Variants in EFCAB6 observed in about 807,000 individuals in gnomAD.
EFCAB6 encodes EF-hand calcium-binding domain-containing protein 6.
EFCAB6 carries 156 observed loss-of-function variants against 169.8 expected under a neutral mutation model. The observed-to-expected ratio is 0.92, with a 90% confidence interval of 0.81 to 1.05. EFCAB6 has a LOEUF of 1.05. Among genes scored for constraint, EFCAB6 ranks in the 50% least tolerant of loss-of-function variants. EFCAB6 has a pLI of 0.00. For missense variants in EFCAB6, 1,800 were observed against 1,829.1 expected (o/e 0.98, Z 0.29); for synonymous variants, 698 against 676.4 (o/e 1.03, Z -0.50).
intron 9 of EFCAB6, among the ~76,000 whole-genome samples, chr22:43,714,204 C>A (rs765680807): frequency 6.6e-6 from 1 of 151,814 alleles, no homozygotes; most frequent in Non-Finnish European, 1.5e-5. Context: ...AAAGGAGTGC[C>A]GTGGAAGAAT....
At chr22:43,786,880 C>T (rs975139435) in intron 2 of EFCAB6, among the ~76,000 whole-genome samples, 2 of 151,814 alleles carry the variant, frequency 1.3e-5, no homozygotes, top group African/African-American at 4.8e-5. Context: ...AAAATTTATG[C>T]TAGGAATGCA....
chr22:43,720,778 T>C (rs551551449), intron 8 of EFCAB6, among the ~76,000 whole-genome samples: 42 of 151,804 alleles, frequency 2.8e-4, no homozygotes, highest in African/African-American at 9.2e-4. Context: ...AAAGATACAA[T>C]ACATATGATA....
At chr22:43,802,530 CAAAAA>C in intron 2 of EFCAB6, 1 of 299,712 alleles carries the variant, frequency 3.3e-6, no homozygotes, top group South Asian at 3.0e-5. Context: ...GACTCTATCT[CAAAAA>C]AAAAAAAAGA....
intron 6 of EFCAB6, among the ~76,000 whole-genome samples, chr22:43,749,171 C>T (rs1313478759): frequency 2.0e-5 from 3 of 152,084 alleles, no homozygotes; most frequent in Non-Finnish European, 4.4e-5. Flanking sequence ...GAGAGGTAAT[C>T]AAGACTGGTC....
At chr22:43,561,268 A>G (rs1281286009) in intron 26 of EFCAB6, among the ~76,000 whole-genome samples, 2 of 151,762 alleles carry the variant, frequency 1.3e-5, no homozygotes, top group African/African-American at 4.8e-5. Flanking sequence ...GAGGCAGAAG[A>G]ATTGCTTGAA....
chr22:43,678,197 A>C (rs758889459), intron 12 of EFCAB6, 34 bp from the exon 13 acceptor site: 24 of 575,804 alleles, frequency 4.2e-5, no homozygotes, highest in Non-Finnish European at 1.2e-5. Context: ...GGAATTTTTG[A>C]AAAAAAAAAA....
chr22:43,543,232 A>G (rs996521663), intron 27 of EFCAB6, among the ~76,000 whole-genome samples: 4 of 152,158 alleles, frequency 2.6e-5, no homozygotes, highest in African/African-American at 2.4e-5. Context: ...GTCACCGAGG[A>G]GGGGAGGAAG....
At chr22:43,802,229 T>C (rs899173997) in intron 2 of EFCAB6, among the ~76,000 whole-genome samples, 35 of 152,082 alleles carry the variant, frequency 2.3e-4, no homozygotes, top group Admixed American at 2.3e-3. Flanking sequence ...AAAGGTTGAA[T>C]AGGACATGAA....
chr22:43,649,456 A>C (rs367633123), intron 17 of EFCAB6, among the ~76,000 whole-genome samples: 1 of 152,222 alleles, frequency 6.6e-6, no homozygotes, highest in Non-Finnish European at 1.5e-5. Flanking sequence ...AATGTGAAAC[A>C]TTACAGTATT....
At chr22:43,618,167 A>AAGGAAGGAAGGAAGGAAGGAAGGAAGGC in intron 20 of EFCAB6, among the ~76,000 whole-genome samples, 1 of 79,898 alleles carries the variant, frequency 1.3e-5, no homozygotes, top group African/African-American at 4.3e-5. Context: ...GGAAGGAAGG[A>AAGGAAGGAAGGAAGGAAGGAAGGAAGGC]AAGAAAGAAA....
chr22:43,791,133 G>A (rs1353198726), intron 2 of EFCAB6, among the ~76,000 whole-genome samples: 1 of 152,148 alleles, frequency 6.6e-6, no homozygotes, highest in Non-Finnish European at 1.5e-5. Context: ...CAGCACTTTG[G>A]GAGGCCAGGG....
At chr22:43,639,803 G>T (rs1265079762) in intron 17 of EFCAB6, among the ~76,000 whole-genome samples, 2 of 152,020 alleles carry the variant, frequency 1.3e-5, no homozygotes, top group Non-Finnish European at 2.9e-5. Context: ...TTGTTCATAT[G>T]ATTGTGAGAC....
chr22:43,717,019 A>G, intron 8 of EFCAB6, 47 bp from the exon 9 acceptor site: 1 of 1,417,244 alleles, frequency 7.1e-7, no homozygotes, highest in Non-Finnish European at 9.2e-7. Context: ...TCAAAGGTTA[A>G]ACATTTAAAT....
intron 13 of EFCAB6, among the ~76,000 whole-genome samples, chr22:43,675,487 TATATAATATAGGATTTA>T (rs1175729587): frequency 1.5e-5 from 2 of 135,494 alleles, no homozygotes; most frequent in Non-Finnish European, 3.1e-5. Flanking sequence ...TATGTAATAT[TATATAATATAGGATTTA>T]ATATAATATA....
intron 3 of EFCAB6, among the ~76,000 whole-genome samples, chr22:43,780,486 C>CAAAAAAAAAAAAAAAAAAAAAAAAAAAA: frequency 2.0e-5 from 1 of 49,024 alleles, no homozygotes; most frequent in Non-Finnish European, 3.6e-5. Context: ...GACTCTGTCT[C>CAAAAAAAAAAAAAAAAAAAAAAAAAAAA]AAAAAAAAAA....
intron 6 of EFCAB6, among the ~76,000 whole-genome samples, chr22:43,746,917 A>G (rs2060586331): frequency 6.6e-6 from 1 of 152,240 alleles, no homozygotes; most frequent in African/African-American, 2.4e-5. Context: ...GCTCACTCAC[A>G]GGACAGAGCT....
rs748902729 is a variant in EFCAB6 at position 43,618,220 on chromosome 22, A to AAGAG, written c.2466-2302_2466-2299dup. 4.1e-5 allele frequency among the ~76,000 whole-genome samples: 5 copies of AAGAG among 120,816 alleles called. No individual in the cohort carries two copies. The East Asian group carries it at 1.0e-3, about 25-fold the overall frequency. The allele number at this position is 120,816 out of a possible 152,430, so 79.3% of individuals were successfully genotyped here. On this transcript the variant is annotated intron_variant, in intron 20 of 31. Coordinates refer to ENST00000262726, the MANE Select transcript of EFCAB6 (RefSeq NM_022785.4). ...AAAGAAAGAAAGAAAGAAAGAAAGA[A>AAGAG]AGAGAAAGAAAGAAAGAGAGAGAAA...
In EFCAB6 at chr22:43,530,909, G is replaced by C; in HGVS notation, c.4289C>G (p.Pro1430Arg). 6.2e-7 allele frequency: 1 copy of C among 1,614,220 alleles called. No individual in the cohort carries two copies. Among genetic ancestry groups the C allele is most frequent in the South Asian group, 1.1e-5 (1 of 91,080 alleles). ...SFYSALLRIQ[P>R]KIVHCWRPMR... ...TGGCCTCCAGCAGTGCACAATTTTG[G>C]GCTGAATACGCAGCAGAGCAGAGTA... The change falls in exon 31 of 32, where the codon CCC becomes CGC. Residue 1430 changes from proline to arginine, a missense_variant. Pro to Arg is a moderately radical substitution (Grantham distance 103, BLOSUM62 -2). Coordinates refer to ENST00000262726, the MANE Select transcript of EFCAB6 (RefSeq NM_022785.4).
Position 43,669,330 on chromosome 22 carries a change from A to G in EFCAB6, c.1641-285T>C, listed in dbSNP as rs144838998. Among the ~76,000 whole-genome samples, 51 of 152,380 alleles carry G rather than the reference A, an allele frequency of 3.3e-4. No individual in the cohort carries two copies. In the East Asian group the frequency reaches 9.6e-3, roughly 29 times the overall value. ...AAACAAACCATATGCCTATCAAGAGATGAATGTATACACAAACTATGGTAA... is the reference window on the plus strand; with the variant it reads ...AAACAAACCATATGCCTATCAAGAGGTGAATGTATACACAAACTATGGTAA... On this transcript the variant is annotated intron_variant, in intron 15 of 31. Coordinates refer to ENST00000262726, the MANE Select transcript of EFCAB6 (RefSeq NM_022785.4).
Sources: allele counts gnomAD v4.1 joint callset (sites outside exome capture counted in the v4.1 genomes callset), GRCh38; gene constraint gnomAD v4.1.1; transcripts MANE v1.5; gene names NCBI Gene and HGNC (gene_info 2026-07-23, HGNC 2026-07-21).